Variants in THADA observed in about 807,000 individuals in gnomAD.
THADA encodes the protein tRNA (32-2'-O)-methyltransferase regulator THADA.
In THADA, 213 loss-of-function variants were observed where a neutral mutation model predicts 219.8. That is an observed-to-expected ratio of 0.97 (90% CI 0.87 to 1.09). The LOEUF is 1.09. THADA is among the 50% of genes least tolerant of loss of function. The probability of loss-of-function intolerance (pLI) is 0.00; values close to 1 mark genes in which losing one functional copy is unlikely to be tolerated. For synonymous variants in THADA, 1,018 were observed against 828.9 expected, an observed-to-expected ratio of 1.23 and a Z score of -3.92; for missense variants, 2,956 against 2,311.3, an observed-to-expected ratio of 1.28 and a Z score of -5.72.
intron 21 of THADA, 85 bp downstream of exon 21, chr2:43,541,074 C>CT: frequency 7.5e-7 from 1 of 1,338,116 alleles, no homozygotes; most frequent in African/African-American, 1.5e-5. Context: ...AATTTTAAAC[C>CT]TTTTTTTAGA....
intron 26 of THADA, among the ~76,000 whole-genome samples, chr2:43,431,825 C>A (rs1357462414): frequency 2.0e-5 from 1 of 49,564 alleles, no homozygotes; most frequent in Non-Finnish European, 3.5e-5. Flanking sequence ...CCACCACGCC[C>A]GGATAATTTT....
intron 29 of THADA, among the ~76,000 whole-genome samples, chr2:43,396,604 C>A (rs1025561203): frequency 1.3e-5 from 2 of 152,048 alleles, no homozygotes; most frequent in Non-Finnish European, 2.9e-5. Context: ...AGTTCGAGAC[C>A]AGCTTGGCCA....
chr2:43,297,713 G>A (rs1199758364), intron 31 of THADA, among the ~76,000 whole-genome samples: 98 of 118,968 alleles, frequency 8.2e-4, no homozygotes, highest in Admixed American at 1.5e-3. Context: ...CACCCCGTCC[G>A]GGAGGGAGGT....
intron 26 of THADA, among the ~76,000 whole-genome samples, chr2:43,433,875 G>C (rs1679717834): frequency 6.6e-6 from 1 of 152,130 alleles, no homozygotes; most frequent in South Asian, 2.1e-4. Context: ...TTTTAGTAGA[G>C]ATGAGGTTTC....
chr2:43,515,094 ATT>A (rs1354590177), intron 22 of THADA, among the ~76,000 whole-genome samples: 1 of 34,564 alleles, frequency 2.9e-5, no homozygotes, highest in Non-Finnish European at 4.7e-5. Flanking sequence ...AAATATATAT[ATT>A]ATATATAATA....
At chr2:43,500,245 G>T (rs1328650662) in intron 24 of THADA, among the ~76,000 whole-genome samples, 1 of 152,178 alleles carries the variant, frequency 6.6e-6, no homozygotes, top group Non-Finnish European at 1.5e-5. Flanking sequence ...TAGGCTAGTG[G>T]TTACTCTTGG....
intron 21 of THADA, 118 bp downstream of exon 21, chr2:43,541,041 T>A: frequency 1.0e-6 from 1 of 990,020 alleles, no homozygotes; most frequent in South Asian, 2.3e-5. Context: ...TCAGTTAACA[T>A]TTGTATGATT....
chr2:43,430,673 G>A (rs1251932838), intron 26 of THADA: 1 of 457,056 alleles, frequency 2.2e-6, no homozygotes, highest in Non-Finnish European at 4.4e-6. Context: ...CAGTGATAAG[G>A]ACAGGTCTAG....
rs1237135731 is a variant in THADA at position 43,507,698 on chromosome 2, A to G, written c.3507+950T>C. On this transcript the variant is annotated intron_variant, in intron 23 of 37. Coordinates refer to ENST00000405975, the MANE Select transcript of THADA (RefSeq NM_022065.5). ...AAAAATCAGAGACTTCATTCCATTT[A>G]TTTTCAGTGCTTTTATTATACCACC... 2.0e-5 allele frequency among the ~76,000 whole-genome samples: 3 copies of G among 152,078 alleles called. No homozygotes were observed. In the East Asian group the frequency reaches 5.8e-4, roughly 29 times the overall value.
intron 26 of THADA, among the ~76,000 whole-genome samples, chr2:43,451,531 T>C (rs1194494676): frequency 6.6e-6 from 1 of 152,244 alleles, no homozygotes; most frequent in Admixed American, 6.5e-5. Flanking sequence ...ATCTAATTTC[T>C]GCTCTGATCC....
intron 4 of THADA, among the ~76,000 whole-genome samples, chr2:43,588,967 T>C (rs913002739): frequency 1.3e-5 from 2 of 152,194 alleles, no homozygotes; most frequent in African/African-American, 4.8e-5. Context: ...ATATGGTACA[T>C]TTAAATTTTG....
At chr2:43,504,620 C>A (rs891493694) in intron 24 of THADA, among the ~76,000 whole-genome samples, 9 of 152,166 alleles carry the variant, frequency 5.9e-5, no homozygotes, top group Non-Finnish European at 8.8e-5. Context: ...TGGCTCACAC[C>A]TGTAATCCTA....
intron 24 of THADA, among the ~76,000 whole-genome samples, chr2:43,502,231 G>A (rs1236044360): frequency 6.6e-6 from 1 of 151,972 alleles, no homozygotes; most frequent in Non-Finnish European, 1.5e-5. Context: ...ATAATAATAT[G>A]GTTTCATTTA....
chr2:43,509,609 T>C (rs1690132493), intron 22 of THADA, among the ~76,000 whole-genome samples: 1 of 152,170 alleles, frequency 6.6e-6, no homozygotes, highest in Non-Finnish European at 1.5e-5. Flanking sequence ...ATTTCCAATT[T>C]ACAGTGAGAA....
chr2:43,508,670 G>C lies in THADA; in HGVS notation c.3485C>G (p.Ala1162Gly). The C allele has an allele frequency of 6.2e-7, 1 of 1,613,498 alleles. No individual in the cohort carries two copies. The highest frequency in any genetic ancestry group is 8.5e-7 in the Non-Finnish European group (1 of 1,179,630). The change falls in exon 23 of 38, where the codon GCT (alanine) becomes GGT (glycine). Residue 1162 changes from alanine to glycine, a missense_variant. By Grantham distance (60) the Ala-to-Gly change is moderately conservative. Coordinates refer to ENST00000405975, the MANE Select transcript of THADA (RefSeq NM_022065.5). ...TACCTGTATGTAGAAAGGAATTCCAGCACTGCGCCTTGTAGCACAGAGTTT... is the reference window on the plus strand; with the variant it reads ...TACCTGTATGTAGAAAGGAATTCCACCACTGCGCCTTGTAGCACAGAGTTT... ...SSKLCATRRS[A>G]GIPFYIQALL...
chr2:43,590,710 G>T, intron 4 of THADA, 114 bp downstream of exon 4: 31 of 906,878 alleles, frequency 3.4e-5, no homozygotes, highest in African/African-American at 5.1e-5. Flanking sequence ...CCATATGAAT[G>T]AACTTTTTGT....
intron 26 of THADA, among the ~76,000 whole-genome samples, chr2:43,432,243 G>C (rs1208350253): frequency 1.3e-5 from 2 of 152,094 alleles, no homozygotes; most frequent in Admixed American, 1.3e-4. Context: ...GCCCACCTCA[G>C]CCTCCCAAAG....
chr2:43,553,273 GACT>G (rs1358783430), intron 17 of THADA, among the ~76,000 whole-genome samples: 2 of 152,032 alleles, frequency 1.3e-5, no homozygotes, highest in East Asian at 3.9e-4. Context: ...CCTTGTTATG[GACT>G]ACATGTTTGT....
At position 43,400,478 on chromosome 2, in the gene THADA, A is replaced by ATATATATATATATATATATATATAT. The variant is rs10687373; in HGVS notation, c.4059-2340_4059-2339insATATATATATATATATATATATATA. On this transcript the variant is annotated intron_variant, in intron 28 of 37. Coordinates refer to ENST00000405975, the MANE Select transcript of THADA (RefSeq NM_022065.5). The stretch of plus-strand genomic sequence containing the variant: ...AAATTTATATATATATATATATATA[A>ATATATATATATATATATATATATAT]ATATATACACTAAGAAAAAAAATTT... Among the ~76,000 whole-genome samples the ATATATATATATATATATATATATAT allele has an allele frequency of 8.1e-3, 940 of 116,516 alleles. 54 individuals carry two copies. Among genetic ancestry groups the ATATATATATATATATATATATATAT allele is most frequent in the African/African-American group, 0.01 (291 of 28,252 alleles). The allele number at this position is 116,516 out of a possible 152,430, so 76.4% of individuals were successfully genotyped here.
Sources: gnomAD v4.1 joint callset for allele counts (sites outside exome capture counted in the v4.1 genomes callset) on GRCh38, gnomAD v4.1.1 for gene constraint, MANE v1.5 for transcripts, NCBI Gene and HGNC (gene_info 2026-07-23, HGNC 2026-07-21) for gene names.